The following TCOF1 variants were observed in gnomAD, a reference collection of about 807,000 sequenced individuals.
TCOF1 encodes the protein treacle protein.
Under a neutral mutation model 149.0 loss-of-function variants are expected in TCOF1, and 33 were observed. The ratio of observed to expected loss-of-function variants is 0.22; its 90% confidence interval spans 0.17 to 0.30. The LOEUF (loss-of-function observed/expected upper bound fraction) is 0.30. TCOF1 is among the 10% of genes least tolerant of loss of function. The pLI is 1.00. For missense variants in TCOF1, 1,728 were observed against 1,840.7 expected (o/e 0.94, Z 1.12); for synonymous variants, 789 against 738.8 (o/e 1.07, Z -1.10).
At chr5:150,359,285 T>G (rs1412489106) in intron 1 of TCOF1, among the ~76,000 whole-genome samples, 3 of 149,722 alleles carry the variant, frequency 2.0e-5, no homozygotes, top group Non-Finnish European at 3.0e-5. Flanking sequence ...AGGCAGAGGT[T>G]GCACTGAGCT....
chr5:150,398,819 A>T (rs539300607), intron 25 of TCOF1, among the ~76,000 whole-genome samples: 4 of 152,380 alleles, frequency 2.6e-5, no homozygotes, highest in African/African-American at 9.6e-5. Context: ...TTAGCACCTC[A>T]GACACAGATG....
chr5:150,360,466 T>C (rs1759796576), intron 1 of TCOF1, among the ~76,000 whole-genome samples: 1 of 152,192 alleles, frequency 6.6e-6, no homozygotes, highest in African/African-American at 2.4e-5. Flanking sequence ...TGATTCGTGC[T>C]TTGGGAAGAT....
intron 9 of TCOF1, 50 bp from the exon 10 acceptor site, chr5:150,374,904 T>G: frequency 6.2e-7 from 1 of 1,610,600 alleles, no homozygotes; most frequent in Non-Finnish European, 8.5e-7. Context: ...AGCTCCTGTC[T>G]CCACACGTCC....
intron 7 of TCOF1, among the ~76,000 whole-genome samples, chr5:150,373,775 T>C (rs1269560776): frequency 6.6e-6 from 1 of 152,170 alleles, no homozygotes; most frequent in Non-Finnish European, 1.5e-5. Context: ...CACAGCCCAG[T>C]CTGATGATGC....
chr5:150,387,943 T>TCCAGCTGGC lies in TCOF1; in HGVS notation c.2909_2917dup (p.Gly970_Ala972dup). On this transcript the variant is annotated inframe_insertion, in exon 18 of 27. Transcript: ENST00000643257. ...TGATTTTTGTCGACCCTAATCGTAG[T>TCCAGCTGGC]CCAGCTGGCCCAGCTGCTACACCCG... 1.9e-6 allele frequency: 3 copies of TCCAGCTGGC among 1,613,994 alleles called. No homozygotes were observed. Among genetic ancestry groups the TCCAGCTGGC allele is most frequent in the Non-Finnish European group, 2.5e-6 (3 of 1,180,014 alleles).
intron 17 of TCOF1, chr5:150,384,178 C>T: frequency 3.9e-6 from 4 of 1,028,472 alleles, no homozygotes; most frequent in Non-Finnish European, 4.7e-6. Flanking sequence ...GTTTGCACAC[C>T]TCCAGCAATA....
intron 26 of TCOF1, 147 bp downstream of exon 26, chr5:150,399,217 G>A: frequency 1.9e-6 from 2 of 1,061,672 alleles, no homozygotes; most frequent in Non-Finnish European, 2.8e-6. Flanking sequence ...AGGGTCCATG[G>A]GGCCACTGGG....
At chr5:150,360,791 C>T (rs75378424) in intron 1 of TCOF1, among the ~76,000 whole-genome samples, 8,584 of 145,952 alleles carry the variant, frequency 0.059, 333 homozygotes, top group East Asian at 0.11. Context: ...GGCTGGAGTG[C>T]GGTGGCACAA....
chr5:150,374,072 G>A (rs1388243646), intron 7 of TCOF1, 102 bp from the exon 8 acceptor site: 1 of 1,267,650 alleles, frequency 7.9e-7, no homozygotes, highest in Non-Finnish European at 1.1e-6. Flanking sequence ...GGAAGCAGGG[G>A]AGGTCTTAGG....
chr5:150,367,717 C>T, intron 3 of TCOF1, 127 bp from the exon 4 acceptor site: 1 of 1,097,634 alleles, frequency 9.1e-7, no homozygotes, highest in Non-Finnish European at 1.4e-6. Flanking sequence ...TGGGCTCAGC[C>T]TCAGATCCTC....
At chr5:150,357,978 G>T (rs1290638144) in intron 1 of TCOF1, 124 bp downstream of exon 1, 1 of 911,414 alleles carries the variant, frequency 1.1e-6, no homozygotes, top group Non-Finnish European at 1.6e-6. Flanking sequence ...AGTGCTCGAC[G>T]GCGCGGCCAG....
At chr5:150,385,468 T>G (rs1484461705) in intron 17 of TCOF1, among the ~76,000 whole-genome samples, 1 of 152,198 alleles carries the variant, frequency 6.6e-6, no homozygotes, top group African/African-American at 2.4e-5. Context: ...GGGGTGGACC[T>G]TGAGGCTCCA....
intron 25 of TCOF1, 52 bp downstream of exon 25, chr5:150,398,503 C>A: frequency 6.2e-7 from 1 of 1,612,858 alleles, no homozygotes; most frequent in Middle Eastern, 1.7e-4. Flanking sequence ...AAACCCAAGC[C>A]CCCTCCTACA....
Position 150,376,275 on chromosome 5 carries a change from G to T in TCOF1, c.2087G>T (p.Ser696Ile). The T allele has an allele frequency of 6.2e-7, 1 of 1,614,188 alleles. No homozygotes were observed. The highest frequency in any genetic ancestry group is 8.5e-7 in the Non-Finnish European group (1 of 1,180,022). The change falls in exon 13 of 27, where the codon AGT becomes ATT. Residue 696 changes from serine (S) to isoleucine (I), a missense_variant. Coordinates refer to ENST00000643257, the MANE Select transcript of TCOF1 (RefSeq NM_001371623.1). Reference sequence around the variant, plus strand: ...AGACCAGCAGAGGATTCTTCAAGCAGTGAGGAATCAGATAGTGAGGAAGAG... The same window carrying T: ...AGACCAGCAGAGGATTCTTCAAGCATTGAGGAATCAGATAGTGAGGAAGAG... Reference protein sequence around the residue: ...TQRPAEDSSSSEESDSEEEKT... With the variant: ...TQRPAEDSSSIEESDSEEEKT...
intron 3 of TCOF1, 191 bp from the exon 4 acceptor site, chr5:150,367,653 C>T (rs1761650020): frequency 1.5e-6 from 1 of 653,774 alleles, no homozygotes; most frequent in South Asian, 1.7e-5. Context: ...ATCCTCTTCT[C>T]TCTTGCTCCT....
intron 2 of TCOF1, among the ~76,000 whole-genome samples, chr5:150,362,916 A>T (rs944452581): frequency 6.6e-6 from 1 of 152,238 alleles, no homozygotes; most frequent in Non-Finnish European, 1.5e-5. Flanking sequence ...AAGGCAGCCT[A>T]GCCTAGCAAT....
rs1766673147 is a variant in TCOF1 at position 150,388,194 on chromosome 5, C to T, written c.3046+106C>T. 16 of 1,487,816 alleles carry T rather than the reference C, an allele frequency of 1.1e-5. No individual in the cohort carries two copies. In the East Asian group the frequency reaches 2.6e-4, roughly 24 times the overall value. 92.2% of individuals were successfully genotyped at this position (1,487,816 alleles called of 1,614,324 possible). On this transcript the variant is annotated intron_variant, in intron 18 of 26. Transcript: ENST00000643257. ...CTGAGTCACATAGCAAGGTGTTGGTCGGGAGGGGCTTGGGGTCAGGTCTCT... is the reference window on the plus strand; with the variant it reads ...CTGAGTCACATAGCAAGGTGTTGGTTGGGAGGGGCTTGGGGTCAGGTCTCT...
At chr5:150,399,157 T>C (rs546389795) in intron 26 of TCOF1, 87 bp downstream of exon 26, 163 of 1,577,092 alleles carry the variant, frequency 1.0e-4, no homozygotes, top group Non-Finnish European at 1.3e-4. Context: ...GCAGACCTGA[T>C]AGGTGGGCTC....
intron 14 of TCOF1, among the ~76,000 whole-genome samples, chr5:150,377,561 C>CT (rs1266018018): frequency 6.6e-6 from 1 of 152,138 alleles, no homozygotes; most frequent in Non-Finnish European, 1.5e-5. Context: ...TTAGTCATTT[C>CT]TTTTTTCTCT....
Sources: gnomAD v4.1 joint callset for allele counts (sites outside exome capture counted in the v4.1 genomes callset) on GRCh38, gnomAD v4.1.1 for gene constraint, MANE v1.5 for transcripts, NCBI Gene and HGNC (gene_info 2026-07-23, HGNC 2026-07-21) for gene names.